Variants in MAPRE2 observed in about 807,000 individuals in gnomAD.
MAPRE2 encodes microtubule associated protein RP/EB family member 2.
MAPRE2 carries 13 observed loss-of-function variants against 43.2 expected under a neutral mutation model. The observed-to-expected ratio is 0.30, with a 90% CI of 0.20 to 0.48. The LOEUF (loss-of-function observed/expected upper bound fraction) is 0.48. MAPRE2 is among the 20% of genes least tolerant of loss of function. The pLI is 0.99. For missense variants in MAPRE2, 161 were observed against 400.2 expected (o/e 0.40, Z 5.10); for synonymous variants, 135 against 148.8 (o/e 0.91, Z 0.68).
chr18:35,079,785 G>T (rs897561270), intron 2 of MAPRE2, among the ~76,000 whole-genome samples: 18 of 152,208 alleles, frequency 1.2e-4, no homozygotes, highest in Non-Finnish European at 2.4e-4. Flanking sequence ...GGAAAGCTTC[G>T]TAGAGGAGGT....
chr18:35,015,639 T>TGTATAGGGATGGCA (rs2097037708), intron 2 of MAPRE2, among the ~76,000 whole-genome samples: 1 of 37,360 alleles, frequency 2.7e-5, no homozygotes, highest in Non-Finnish European at 9.6e-5. Flanking sequence ...TGGCAGTGTG[T>TGTATAGGGATGGCA]GTGTGTGTGT....
At chr18:35,077,235 G>A (rs898363203) in intron 2 of MAPRE2, among the ~76,000 whole-genome samples, 52 of 119,376 alleles carry the variant, frequency 4.4e-4, no homozygotes, top group African/African-American at 1.1e-3. Context: ...ACAGATACGC[G>A]CGCGTGCGCG....
chr18:35,117,750 A>G (rs1909477622), intron 4 of MAPRE2, among the ~76,000 whole-genome samples: 1 of 152,236 alleles, frequency 6.6e-6, no homozygotes, highest in Admixed American at 6.5e-5. Context: ...TGATCAAAAA[A>G]TAATATTTTA....
At chr18:34,999,124 T>G (rs776816004) in intron 1 of MAPRE2, among the ~76,000 whole-genome samples, 2 of 152,190 alleles carry the variant, frequency 1.3e-5, no homozygotes, top group Non-Finnish European at 2.9e-5. Context: ...CTTTGACACG[T>G]AACATGCATT....
At chr18:34,994,058 A>G (rs575599049) in intron 1 of MAPRE2, among the ~76,000 whole-genome samples, 1 of 146,572 alleles carries the variant, frequency 6.8e-6, no homozygotes, top group Non-Finnish European at 1.5e-5. Context: ...TTTATAGCAC[A>G]TCATTTGCTT....
At chr18:35,130,963 A>G (rs2144246625) in intron 5 of MAPRE2, among the ~76,000 whole-genome samples, 1 of 152,148 alleles carries the variant, frequency 6.6e-6, no homozygotes, top group South Asian at 2.1e-4. Flanking sequence ...AACCCTGGAA[A>G]CTCTGAACCA....
chr18:35,069,307 A>G (rs1906990264), intron 1 of MAPRE2, among the ~76,000 whole-genome samples: 1 of 152,212 alleles, frequency 6.6e-6, no homozygotes, highest in Admixed American at 6.5e-5. Flanking sequence ...CTGAAGTTAA[A>G]TTTGTATTAT....
At chr18:35,110,619 T>A (rs1340086822) in intron 4 of MAPRE2, among the ~76,000 whole-genome samples, 1 of 152,186 alleles carries the variant, frequency 6.6e-6, no homozygotes, top group Non-Finnish European at 1.5e-5. Context: ...GGATTTCTTA[T>A]CCTGCAGGTC....
chr18:35,075,171 C>T (rs1907288216), intron 2 of MAPRE2, among the ~76,000 whole-genome samples: 1 of 152,160 alleles, frequency 6.6e-6, no homozygotes, highest in Non-Finnish European at 1.5e-5. Flanking sequence ...GTGGAAGGAG[C>T]AAGTATTTAG....
intron 2 of MAPRE2, among the ~76,000 whole-genome samples, chr18:35,008,284 C>T (rs1182138460): frequency 1.3e-5 from 2 of 152,068 alleles, no homozygotes; most frequent in Admixed American, 1.3e-4. Context: ...AAATAGTTAT[C>T]TTTGGGAAAT....
chr18:35,056,528 C>T (rs651231), intron 1 of MAPRE2, among the ~76,000 whole-genome samples: 24,145 of 152,038 alleles, frequency 0.16, 2,121 homozygotes, highest in East Asian at 0.32. Flanking sequence ...CCTAGAAACT[C>T]GGTATGGAGG....
intron 1 of MAPRE2, among the ~76,000 whole-genome samples, chr18:35,058,977 C>G (rs186464603): frequency 6.6e-6 from 1 of 152,320 alleles, no homozygotes; most frequent in Non-Finnish European, 1.5e-5. Context: ...CACTAAACCT[C>G]TCCGAGTCTG....
chr18:35,006,918 G>T (rs983668949), intron 2 of MAPRE2, among the ~76,000 whole-genome samples: 1 of 152,182 alleles, frequency 6.6e-6, no homozygotes, highest in South Asian at 2.1e-4. Flanking sequence ...AGCCAAGATC[G>T]TGCCACTGCA....
At chr18:35,125,188 C>A (rs754472920) in intron 4 of MAPRE2, among the ~76,000 whole-genome samples, 2 of 152,160 alleles carry the variant, frequency 1.3e-5, no homozygotes, top group Admixed American at 6.5e-5. Context: ...GTGTGACTTG[C>A]ATCCGGAGCT....
intron 2 of MAPRE2, among the ~76,000 whole-genome samples, chr18:35,019,416 T>C (rs1474547299): frequency 6.6e-6 from 1 of 152,000 alleles, no homozygotes; most frequent in African/African-American, 2.4e-5. Flanking sequence ...TCTGTAGATG[T>C]CTATTAGGTC....
At chr18:34,990,810 C>T (rs2097023383) in intron 1 of MAPRE2, among the ~76,000 whole-genome samples, 1 of 152,096 alleles carries the variant, frequency 6.6e-6, no homozygotes, top group Non-Finnish European at 1.5e-5. Context: ...CGCTTGAGGC[C>T]AGGAAATCAA....
At chr18:35,093,249 T>C (rs546591327) in intron 2 of MAPRE2, among the ~76,000 whole-genome samples, 1 of 145,744 alleles carries the variant, frequency 6.9e-6, no homozygotes, top group South Asian at 2.2e-4. Context: ...GGAATGGCTA[T>C]TATCAAAAAG....
intron 2 of MAPRE2, among the ~76,000 whole-genome samples, chr18:35,085,815 T>C (rs1261069034): frequency 6.6e-6 from 1 of 152,200 alleles, no homozygotes; most frequent in Non-Finnish European, 1.5e-5. Context: ...TACTGTTGGC[T>C]TAGCAGAGTG....
At chr18:35,030,430 G>C (rs1028505026) in intron 2 of MAPRE2, among the ~76,000 whole-genome samples, 11 of 152,152 alleles carry the variant, frequency 7.2e-5, no homozygotes, top group African/African-American at 2.7e-4. Context: ...CTGAGCTAGG[G>C]AAAAAGAATG....
Sources: gnomAD v4.1 joint callset for allele counts (sites outside exome capture counted in the v4.1 genomes callset) on GRCh38, gnomAD v4.1.1 for gene constraint, MANE v1.5 for transcripts, NCBI Gene and HGNC (gene_info 2026-07-23, HGNC 2026-07-21) for gene names.